The following PREX1 variants were observed in gnomAD, a reference collection of about 807,000 sequenced individuals.
PREX1 encodes the protein phosphatidylinositol-3,4,5-trisphosphate dependent Rac exchange factor 1.
In PREX1, 41 loss-of-function variants were observed where a neutral mutation model predicts 198.3. The ratio of observed to expected loss-of-function variants is 0.21; its 90% CI spans 0.16 to 0.27. The LOEUF is 0.27. PREX1 is among the 10% of genes least tolerant of loss of function. The probability of loss-of-function intolerance (pLI) is 1.00; values close to 1 mark genes in which losing one functional copy is unlikely to be tolerated. For missense variants in PREX1, 1,620 were observed against 2,200.7 expected, an observed-to-expected ratio of 0.74 and a Z score of 5.28; for synonymous variants, 843 against 887.2, an observed-to-expected ratio of 0.95 and a Z score of 0.89.
chr20:48,815,781 C>T (rs1259933338), intron 1 of PREX1, among the ~76,000 whole-genome samples: 1 of 152,032 alleles, frequency 6.6e-6, no homozygotes, highest in African/African-American at 2.4e-5. Context: ...GCCGAGTGGG[C>T]AAATCACCTG....
the PREX1 span, among the ~76,000 whole-genome samples, chr20:48,847,971 T>G: frequency 6.6e-6 from 1 of 152,234 alleles, no homozygotes; most frequent in Non-Finnish European, 1.5e-5. Flanking sequence ...AGTGTCCCAT[T>G]GTGTGGATAA....
At chr20:48,645,797 C>T in intron 26 of PREX1, 54 bp downstream of exon 26, 1 of 1,583,612 alleles carries the variant, frequency 6.3e-7, no homozygotes, top group Non-Finnish European at 8.6e-7. Flanking sequence ...TCCGTGGCCT[C>T]ACCTGTCCAG....
At chr20:48,763,857 G>A (rs560693539) in intron 1 of PREX1, among the ~76,000 whole-genome samples, 4 of 152,254 alleles carry the variant, frequency 2.6e-5, no homozygotes, top group African/African-American at 9.6e-5. Context: ...TGCAGCTTGG[G>A]GTCTTCAGTT....
rs373099323 is a variant in PREX1, at chr20:48,793,722, T to C, written c.219+33920A>G. Among the ~76,000 whole-genome samples the C allele has an allele frequency of 4.7e-4, 72 of 152,338 alleles. 1 individual carries two copies. In the South Asian group the frequency reaches 0.014, roughly 31 times the overall value. On this transcript the variant is annotated intron_variant, in intron 1 of 39. Coordinates refer to ENST00000371941, the MANE Select transcript of PREX1 (RefSeq NM_020820.4). ...GCAAAGGCCAGACAGGAATGGCTTT[T>C]CTCTTAATCTTGATCCCTCTCGGGT... is the stretch of plus-strand genomic sequence containing the variant.
At chr20:48,821,890 C>T (rs1040757346) in intron 1 of PREX1, 3 of 152,178 alleles carry the variant, frequency 2.0e-5, no homozygotes, top group Non-Finnish European at 4.4e-5. Context: ...AGTAGGTAGG[C>T]TTCCAGAAGG....
the PREX1 span, among the ~76,000 whole-genome samples, chr20:48,833,278 C>T: frequency 6.6e-6 from 1 of 152,164 alleles, no homozygotes; most frequent in African/African-American, 2.4e-5. Flanking sequence ...TTCTAACTAA[C>T]TGAAGGTGCA....
At chr20:48,632,785 G>T in intron 33 of PREX1, 146 bp from the exon 34 acceptor site, 1 of 842,640 alleles carries the variant, frequency 1.2e-6, no homozygotes, top group Non-Finnish European at 1.8e-6. Flanking sequence ...CGACTCTACA[G>T]GGGTAGCCTC....
intron 1 of PREX1, among the ~76,000 whole-genome samples, chr20:48,815,194 T>C (rs1251828654): frequency 1.3e-5 from 2 of 152,142 alleles, no homozygotes; most frequent in Non-Finnish European, 2.9e-5. Context: ...AGATGGAGAC[T>C]TCCAGAGCCT....
intron 1 of PREX1, among the ~76,000 whole-genome samples, chr20:48,765,222 T>G (rs2090203131): frequency 6.6e-6 from 1 of 152,232 alleles, no homozygotes; most frequent in African/African-American, 2.4e-5. Flanking sequence ...AGCTATACAT[T>G]TCATACATTG....
intron 26 of PREX1, 45 bp downstream of exon 26, chr20:48,645,806 A>G (rs2089446288): frequency 6.3e-7 from 1 of 1,599,954 alleles, no homozygotes; most frequent in Non-Finnish European, 8.5e-7. Flanking sequence ...TCACCTGTCC[A>G]GGGCCATCCT....
At chr20:48,784,097 G>A (rs1437283614) in intron 1 of PREX1, among the ~76,000 whole-genome samples, 2 of 152,188 alleles carry the variant, frequency 1.3e-5, no homozygotes, top group African/African-American at 4.8e-5. Flanking sequence ...AGACCCAGGA[G>A]TCGCTGGCTC....
rs2089869937 is a variant in PREX1, at chr20:48,700,843, C to T, written c.827G>A (p.Gly276Glu). 6.2e-7 allele frequency: 1 copy of T among 1,614,050 alleles called. No individual in the cohort carries two copies. The highest frequency in any genetic ancestry group is 1.1e-5 in the South Asian group (1 of 91,090). ...TDICTQLLLQ[G>E]TLLKISAGNI... ...GCCCGCAGAGATCTTTAACAAAGTC[C>T]CTTGCAGGAGGAGCTGAGTGCAGAT... Residue 276 changes from glycine (G) to glutamate (E), a missense_variant, in exon 7 of 40, where the codon GGG (glycine) becomes GAG (glutamate). Physicochemically the swap from Gly to Glu is moderately conservative, Grantham distance 98 (BLOSUM62 -2). Around this residue, in one of 7 missense-constraint regions of PREX1, gnomAD observed 488 missense variants for 802.5 expected, o/e 0.61. Transcript: ENST00000371941.
In PREX1 at chr20:48,629,649, G is replaced by T. The variant is rs768664269; in HGVS notation, c.4594-28C>A. On this transcript the variant is annotated intron_variant, in intron 36 of 39. Coordinates refer to ENST00000371941, the MANE Select transcript of PREX1 (RefSeq NM_020820.4). ...GTAGGGGGTACCACACATAACCGGG[G>T]AGTTGGAGGAGGTCCTCACAGCCCC... is the stretch of plus-strand genomic sequence containing the variant. The T allele has an allele frequency of 4.4e-6, 7 of 1,606,110 alleles. No individual in the cohort carries two copies. The African/African-American group carries it at 8.0e-5, about 18-fold the overall frequency.
intron 21 of PREX1, among the ~76,000 whole-genome samples, chr20:48,651,802 G>A (rs1184438651): frequency 6.6e-6 from 1 of 152,236 alleles, no homozygotes; most frequent in East Asian, 1.9e-4. Flanking sequence ...TCCAAGGCCT[G>A]GCCCTGAGGA....
At chr20:48,866,404 T>C in the PREX1 span, among the ~76,000 whole-genome samples, 1 of 151,950 alleles carries the variant, frequency 6.6e-6, no homozygotes, top group Non-Finnish European at 1.5e-5. Flanking sequence ...TGGGAAACTG[T>C]TAGAAATGCA....
In PREX1 at chr20:48,810,197, A is replaced by G. The variant is rs558193541; in HGVS notation, c.219+17445T>C. On this transcript the variant is annotated intron_variant, in intron 1 of 39. Coordinates refer to ENST00000371941, the MANE Select transcript of PREX1 (RefSeq NM_020820.4). ...ACCTGCTACCTTCCACTTTCCTTAAAACACATAACCCTCTTGGTCTTTCAG... is the reference window on the plus strand; with the variant it reads ...ACCTGCTACCTTCCACTTTCCTTAAGACACATAACCCTCTTGGTCTTTCAG... Among the ~76,000 whole-genome samples, 11 of 152,226 alleles carry G rather than the reference A, an allele frequency of 7.2e-5. No homozygotes were observed. In the South Asian group the frequency reaches 2.3e-3, roughly 32 times the overall value.
chr20:48,682,463 A>G (rs778164172), intron 10 of PREX1, among the ~76,000 whole-genome samples: 2 of 152,216 alleles, frequency 1.3e-5, no homozygotes, highest in Non-Finnish European at 2.9e-5. Flanking sequence ...AATGACATGA[A>G]CAGGGTGTTT....
chr20:48,804,792 G>A (rs938416688), intron 1 of PREX1, among the ~76,000 whole-genome samples: 2 of 152,206 alleles, frequency 1.3e-5, no homozygotes, highest in South Asian at 2.1e-4. Context: ...GGAGCTGACA[G>A]GATTTCCTGA....
intron 10 of PREX1, among the ~76,000 whole-genome samples, chr20:48,688,453 G>C (rs998146527): frequency 2.6e-5 from 4 of 152,100 alleles, no homozygotes; most frequent in African/African-American, 9.7e-5. Context: ...AATTATGTCT[G>C]GTAGTAGGTT....
Sources: allele counts gnomAD v4.1 joint callset (sites outside exome capture counted in the v4.1 genomes callset), GRCh38; gene constraint gnomAD v4.1.1; regional missense constraint gnomAD v4.1.1; transcripts MANE v1.5; gene names NCBI Gene and HGNC (gene_info 2026-07-23, HGNC 2026-07-21).